Variants in BARX1 observed in about 807,000 individuals in gnomAD.
BARX1 encodes homeobox protein BarH-like 1.
A neutral mutation model predicts 19.6 loss-of-function variants in BARX1; 10 were observed. The observed-to-expected ratio is 0.51, with a 90% CI of 0.31 to 0.86. BARX1 has a LOEUF of 0.86. Among genes scored for constraint, BARX1 ranks in the 40% least tolerant of loss-of-function variants. The pLI is 0.04. For missense variants in BARX1, 309 were observed against 360.4 expected (o/e 0.86, Z 1.15); for synonymous variants, 177 against 170.0 (o/e 1.04, Z -0.32).
Position 93,952,307 on chromosome 9 carries a change from C to T in BARX1, c.622G>A (p.Glu208Lys). The T allele has an allele frequency of 6.2e-7, 1 of 1,610,000 alleles. No individual in the cohort carries two copies. The highest frequency in any genetic ancestry group is 8.5e-7 in the Non-Finnish European group (1 of 1,179,766). The part of the protein sequence containing the change: ...KKIVLQGGGL[E>K]SPTKPKGRPK... The stretch of plus-strand genomic sequence containing the variant: ...CGCCCCTTGGGCTTGGTGGGAGACT[C>T]CAGGCCGCCGCCCTGCAGCACCTGC... The change falls in exon 4 of 4, where the codon GAG (glutamate) becomes AAG (lysine). Residue 208 changes from glutamate (E) to lysine (K), a missense_variant. Physicochemically the swap from Glu to Lys is moderately conservative, Grantham distance 56. Coordinates refer to ENST00000253968, the MANE Select transcript of BARX1 (RefSeq NM_021570.4).
Position 93,951,788 on chromosome 9 carries a change from G to T in BARX1, c.*376C>A. 5.1e-6 allele frequency: 1 copy of T among 197,752 alleles called. No individual in the cohort carries two copies. Among genetic ancestry groups the T allele is most frequent in the Non-Finnish European group, 1.0e-5 (1 of 96,952 alleles). The allele number at this position is 197,752 out of a possible 1,614,324, so 12.2% of individuals were successfully genotyped here. The stretch of plus-strand genomic sequence containing the variant: ...TGAGCCCAACCGCTGGGTCCCCGAC[G>T]TCCAGAAGCGGGTGTGTGCCTGGAG... On this transcript the variant is annotated 3_prime_UTR_variant, in exon 4 of 4. Transcript: ENST00000253968.
At position 93,951,754 on chromosome 9, in the gene BARX1, G is replaced by A. The variant is rs1829104040; in HGVS notation, c.*410C>T. The A allele has an allele frequency of 5.9e-6, 1 of 168,428 alleles. No individual in the cohort carries two copies. 10.4% of individuals were successfully genotyped at this position (168,428 alleles called of 1,614,324 possible). ...GGTTGCCCCGGGGCAATCTCAGGCC[G>A]TTGTGGCCTGAGCCCAACCGCTGGG... On this transcript the variant is annotated 3_prime_UTR_variant, in exon 4 of 4. Coordinates refer to ENST00000253968, the MANE Select transcript of BARX1 (RefSeq NM_021570.4).
chr9:93,952,104 C>G lies in BARX1; in HGVS notation c.*60G>C. 6.4e-7 allele frequency: 1 copy of G among 1,559,066 alleles called. No individual in the cohort carries two copies. Reference sequence around the variant, plus strand: ...GCGGAAGGGCCGGCTCGCGGGTTTCCGCCGAGTGAGGGGGCTGCGGGTGGC... The same window carrying G: ...GCGGAAGGGCCGGCTCGCGGGTTTCGGCCGAGTGAGGGGGCTGCGGGTGGC... On this transcript the variant is annotated 3_prime_UTR_variant, in exon 4 of 4. Coordinates refer to ENST00000253968, the MANE Select transcript of BARX1 (RefSeq NM_021570.4).
At chr9:93,953,259 C>G (rs41281146) in intron 1 of BARX1, 72 bp from the exon 2 acceptor site, 39,877 of 1,415,842 alleles carry the variant, frequency 0.028, 678 homozygotes, top group Non-Finnish European at 0.034. Flanking sequence ...TGCCGCACCA[C>G]GTGCCGCGGG....
At chr9:93,954,575 C>G (rs1178445021) in intron 1 of BARX1, among the ~76,000 whole-genome samples, 1 of 152,254 alleles carries the variant, frequency 6.6e-6, no homozygotes, top group Non-Finnish European at 1.5e-5. Flanking sequence ...CCCAGGCGCC[C>G]GTGGCCTGAG....
At chr9:93,952,607 A>G in intron 3 of BARX1, 122 bp downstream of exon 3, 1 of 1,186,338 alleles carries the variant, frequency 8.4e-7, no homozygotes, top group Non-Finnish European at 1.2e-6. Context: ...GGTGCGTACC[A>G]GGCACCGAGG....
At position 93,952,182 on chromosome 9, in the gene BARX1, G is replaced by A. The variant is rs578219274; in HGVS notation, c.747C>T (p.Asp249=). The change falls in exon 4 of 4, where the codon GAC becomes GAT. Residue 249 remains aspartate, a synonymous_variant. Coordinates refer to ENST00000253968, the MANE Select transcript of BARX1 (RefSeq NM_021570.4). ...ACCGCCCTCAGTCCTCGCGGCTCCT[G>A]TCGCTGGGCTCGCCCGGCACCTCCG... The part of the protein sequence containing the change: ...KPAEVPGEPS[D]RSRED 25 of 1,608,796 alleles carry A rather than the reference G, an allele frequency of 1.6e-5. No homozygotes were observed. In the South Asian group the frequency reaches 2.4e-4, roughly 16 times the overall value.
chr9:93,954,186 G>A (rs1348134174), intron 1 of BARX1, among the ~76,000 whole-genome samples: 1 of 152,236 alleles, frequency 6.6e-6, no homozygotes. Flanking sequence ...GCGAGATAGG[G>A]AAAGACAAGA....
chr9:93,952,113 A>AGGGG lies in BARX1; in HGVS notation c.*47_*50dup. The AGGGG allele has an allele frequency of 6.4e-7, 1 of 1,574,728 alleles. No homozygotes were observed. Among genetic ancestry groups the AGGGG allele is most frequent in the Non-Finnish European group, 8.6e-7 (1 of 1,166,524 alleles). ...CCGGCTCGCGGGTTTCCGCCGAGTG[A>AGGGG]GGGGGCTGCGGGTGGCGCGGGCATC... On this transcript the variant is annotated 3_prime_UTR_variant, in exon 4 of 4. Coordinates refer to ENST00000253968, the MANE Select transcript of BARX1 (RefSeq NM_021570.4).
intron 1 of BARX1, among the ~76,000 whole-genome samples, chr9:93,954,496 C>T (rs1829138532): frequency 6.6e-6 from 1 of 152,222 alleles, no homozygotes; most frequent in Admixed American, 6.5e-5. Flanking sequence ...CGCAGGCCTC[C>T]TCCCCAGAGG....
Position 93,952,817 on chromosome 9 carries a change from G to C in BARX1, c.516-4C>G, listed in dbSNP as rs750098308. On this transcript the variant is annotated splice_polypyrimidine_tract_variant and splice_region_variant and intron_variant, in intron 2 of 3. Coordinates refer to ENST00000253968, the MANE Select transcript of BARX1 (RefSeq NM_021570.4). Reference sequence around the variant, plus strand: ...CAGGGACTCAGCAAGATCTATTCTGGAAAGAGCAGGGCGCACCCTCAGCAA... The same window carrying C: ...CAGGGACTCAGCAAGATCTATTCTGCAAAGAGCAGGGCGCACCCTCAGCAA... 3.1e-6 allele frequency: 5 copies of C among 1,614,032 alleles called. No individual in the cohort carries two copies. Among genetic ancestry groups the C allele is most frequent in the Non-Finnish European group, 2.5e-6 (3 of 1,180,044 alleles).
At chr9:93,952,613 C>T (rs1180084595) in intron 3 of BARX1, 116 bp downstream of exon 3, 7 of 1,232,020 alleles carry the variant, frequency 5.7e-6, no homozygotes, top group Admixed American at 3.9e-5. Context: ...TACCAGGCAC[C>T]GAGGGAATCG....
chr9:93,955,235 G>T lies in BARX1; in HGVS notation c.-89C>A. ...GGGGCCCGCGCGGGGCTCTAGGCCG[G>T]CCCGCAGCTCGGGGCGGCGCGCGGG... On this transcript the variant is annotated 5_prime_UTR_variant, in exon 1 of 4. Coordinates refer to ENST00000253968, the MANE Select transcript of BARX1 (RefSeq NM_021570.4). This position sits in a 1 kb window ranked among gnomAD's most constrained non-coding sequence, Gnocchi z 4.4. 1.7e-6 allele frequency: 1 copy of T among 574,484 alleles called. No individual in the cohort carries two copies. The highest frequency in any genetic ancestry group is 2.2e-6 in the Non-Finnish European group (1 of 457,912). The allele number at this position is 574,484 out of a possible 1,614,324, so 35.6% of individuals were successfully genotyped here. A position where few individuals can be genotyped will look rare whatever the true frequency, so the allele number is the denominator to read the frequency against.
At position 93,955,147 on chromosome 9, in the gene BARX1, CGCGGCGCCCACT is replaced by C. The variant is rs1032479764; in HGVS notation, c.-13_-2del. ...CGCCCGGCTCCCCCGGCCGCTGCAT[CGCGGCGCCCACT>C]GCTGCGCCCGCGGTTTGGCGGCGGC... is the stretch of plus-strand genomic sequence containing the variant. On this transcript the variant is annotated 5_prime_UTR_variant, in exon 1 of 4. Coordinates refer to ENST00000253968, the MANE Select transcript of BARX1 (RefSeq NM_021570.4). The surrounding 1 kb of genome is among the most constrained non-coding windows in gnomAD (Gnocchi z 4.4). 8.8e-7 allele frequency: 1 copy of C among 1,139,152 alleles called. No homozygotes were observed. The highest frequency in any genetic ancestry group is 1.1e-6 in the Non-Finnish European group (1 of 931,774). The allele number at this position is 1,139,152 out of a possible 1,614,324, so 70.6% of individuals were successfully genotyped here.
chr9:93,953,278 C>G, intron 1 of BARX1, 91 bp from the exon 2 acceptor site: 21 of 1,385,450 alleles, frequency 1.5e-5, no homozygotes, highest in Non-Finnish European at 2.0e-5. Flanking sequence ...GGGGTGCTCG[C>G]GCTTGGCCAG....
chr9:93,953,907 G>T (rs926572199), intron 1 of BARX1, among the ~76,000 whole-genome samples: 2 of 152,012 alleles, frequency 1.3e-5, no homozygotes, highest in Non-Finnish European at 2.9e-5. Context: ...TGGCCCTGCC[G>T]TCTCCAGGCT....
intron 1 of BARX1, among the ~76,000 whole-genome samples, chr9:93,954,477 C>T (rs1829138234): frequency 6.6e-6 from 1 of 152,188 alleles, no homozygotes; most frequent in South Asian, 2.1e-4. Flanking sequence ...AGCACCCAGC[C>T]CTCGGGAGCG....
intron 1 of BARX1, among the ~76,000 whole-genome samples, chr9:93,954,597 C>G (rs1347639202): frequency 6.6e-6 from 1 of 152,256 alleles, no homozygotes; most frequent in Non-Finnish European, 1.5e-5. Context: ...TCGCTTCCAC[C>G]CACGAGAGTC....
Position 93,955,076 on chromosome 9 carries a change from T to A in BARX1, c.71A>T (p.His24Leu), listed in dbSNP as rs1288504701. The change falls in exon 1 of 4, where the codon CAC becomes CTC. Residue 24 changes from histidine to leucine, a missense_variant. This residue lies in a region of BARX1 where 204 missense variants were observed against 206.8 expected (regional missense o/e 0.99). Transcript: ENST00000253968. This position sits in a 1 kb window ranked among gnomAD's most constrained non-coding sequence, Gnocchi z 4.4. ...PPEGCADHRP[H>L]RYRSFMIEEI... ...CTCAATCATGAAGCTGCGATAGCGG[T>A]GCGGCCGGTGGTCCGCGCAGCCCTC... 2 of 1,375,862 alleles carry A rather than the reference T, an allele frequency of 1.5e-6. No individual in the cohort carries two copies. Among genetic ancestry groups the A allele is most frequent in the Non-Finnish European group, 1.9e-6 (2 of 1,059,616 alleles). 85.2% of individuals were successfully genotyped at this position (1,375,862 alleles called of 1,614,324 possible).
Sources: allele counts gnomAD v4.1 joint callset (sites outside exome capture counted in the v4.1 genomes callset), GRCh38; gene constraint gnomAD v4.1.1; regional missense constraint gnomAD v4.1.1; non-coding constraint Gnocchi (gnomAD v3.1); transcripts MANE v1.5; gene names NCBI Gene and HGNC (gene_info 2026-07-23, HGNC 2026-07-21).